Variants in ZNF536 observed in about 807,000 individuals in gnomAD.
ZNF536 encodes zinc finger protein 536.
Under a neutral mutation model 84.5 loss-of-function variants are expected in ZNF536, and 13 were observed. The ratio of observed to expected loss-of-function variants is 0.15; its 90% CI spans 0.10 to 0.24. The LOEUF is 0.24. Among genes scored for constraint, ZNF536 ranks in the 10% least tolerant of loss-of-function variants. The pLI is 1.00. For synonymous variants in ZNF536, 811 were observed against 742.5 expected (o/e 1.09, Z -1.50); for missense variants, 1,536 against 1,747.5 (o/e 0.88, Z 2.16).
chr19:30,663,647 T>C (rs1441732744), intron 1 of ZNF536, among the ~76,000 whole-genome samples: 1 of 152,200 alleles, frequency 6.6e-6, no homozygotes, highest in Non-Finnish European at 1.5e-5. Context: ...TCCTGAAATG[T>C]CAAAGAGTGC....
chr19:30,412,966 A>G (rs2050557451), intron 1 of ZNF536, among the ~76,000 whole-genome samples: 1 of 151,818 alleles, frequency 6.6e-6, no homozygotes, highest in African/African-American at 2.4e-5. Context: ...TAATTTTTTT[A>G]GACAATTCAT....
intron 1 of ZNF536, among the ~76,000 whole-genome samples, chr19:30,607,795 C>A (rs1355067626): frequency 1.3e-5 from 2 of 151,196 alleles, no homozygotes; most frequent in African/African-American, 4.9e-5. Flanking sequence ...TATGTATATG[C>A]ATTACTTTAT....
chr19:30,699,188 G>C (rs2051789484), intron 1 of ZNF536, among the ~76,000 whole-genome samples: 1 of 152,060 alleles, frequency 6.6e-6, no homozygotes, highest in Non-Finnish European at 1.5e-5. Context: ...CCCAGTCCTA[G>C]AATCAGCCAT....
At chr19:30,430,078 G>T (rs898778033) in intron 1 of ZNF536, among the ~76,000 whole-genome samples, 1 of 152,076 alleles carries the variant, frequency 6.6e-6, no homozygotes, top group African/African-American at 2.4e-5. Flanking sequence ...CTGTGTGGAA[G>T]AACTGTTCTC....
At chr19:30,464,816 G>T (rs1455025629) in intron 2 of ZNF536, among the ~76,000 whole-genome samples, 1 of 151,930 alleles carries the variant, frequency 6.6e-6, no homozygotes, top group Non-Finnish European at 1.5e-5. Flanking sequence ...CATCAGGGTG[G>T]GGCTCCTCCT....
chr19:30,670,470 G>C (rs965440467), intron 1 of ZNF536, among the ~76,000 whole-genome samples: 2 of 152,212 alleles, frequency 1.3e-5, no homozygotes, highest in Non-Finnish European at 2.9e-5. Context: ...GCTGTCTGTG[G>C]GATGCCCGGC....
intron 2 of ZNF536, among the ~76,000 whole-genome samples, chr19:30,476,479 G>A (rs556618972): frequency 6.6e-6 from 1 of 152,324 alleles, no homozygotes; most frequent in East Asian, 1.9e-4. Flanking sequence ...GACACACACT[G>A]CATATAATTC....
At chr19:30,289,089 G>A (rs2045744232) in intron 2 of ZNF536, among the ~76,000 whole-genome samples, 1 of 152,030 alleles carries the variant, frequency 6.6e-6, no homozygotes, top group African/African-American at 2.4e-5. Context: ...CACATCACTG[G>A]GGGCTTGGGA....
At chr19:30,439,965 T>TTC (rs2051954606) in intron 1 of ZNF536, among the ~76,000 whole-genome samples, 1 of 125,626 alleles carries the variant, frequency 8.0e-6, no homozygotes, top group African/African-American at 2.8e-5. Flanking sequence ...CTTTCTTTTT[T>TTC]TTTTTTTTTT....
At chr19:30,354,581 C>G (rs527856031) in intron 3 of ZNF536, among the ~76,000 whole-genome samples, 1 of 152,178 alleles carries the variant, frequency 6.6e-6, no homozygotes, top group Non-Finnish European at 1.5e-5. Context: ...TGTGGGCCTC[C>G]TAGAAGATAA....
downstream of ZNF536, among the ~76,000 whole-genome samples, chr19:30,562,920 G>A (rs930010053): frequency 6.6e-6 from 1 of 152,074 alleles, no homozygotes; most frequent in Non-Finnish European, 1.5e-5. Flanking sequence ...GTCTCTACAT[G>A]GGAAAGCTTT....
At chr19:30,356,416 G>C (rs1014778931) in intron 3 of ZNF536, among the ~76,000 whole-genome samples, 3 of 152,250 alleles carry the variant, frequency 2.0e-5, no homozygotes, top group Non-Finnish European at 4.4e-5. Context: ...TCCTGGTACA[G>C]ATGAGTGAGT....
chr19:30,252,666 T>A (rs2024684277), intron 1 of ZNF536, among the ~76,000 whole-genome samples: 1 of 152,202 alleles, frequency 6.6e-6, no homozygotes, highest in Admixed American at 6.5e-5. Context: ...AGTTACCCCC[T>A]AAAATGGGAA....
intron 3 of ZNF536, among the ~76,000 whole-genome samples, chr19:30,546,403 A>C (rs2045559802): frequency 6.6e-6 from 1 of 152,174 alleles, no homozygotes; most frequent in Non-Finnish European, 1.5e-5. Context: ...ACCTCTGAAA[A>C]AGTGTCCAGG....
chr19:30,455,035 AAAACAAACAAAC>A (rs56166320), intron 2 of ZNF536, among the ~76,000 whole-genome samples: 23 of 149,830 alleles, frequency 1.5e-4, no homozygotes, highest in South Asian at 2.1e-4. Context: ...CTCCATCTCA[AAAACAAACAAAC>A]AAACAAACAA....
At chr19:30,607,331 G>A (rs561244175) in intron 1 of ZNF536, among the ~76,000 whole-genome samples, 1 of 151,920 alleles carries the variant, frequency 6.6e-6, no homozygotes, top group East Asian at 1.9e-4. Flanking sequence ...TTTTGTGATG[G>A]GGATATTTTT....
intron 1 of ZNF536, among the ~76,000 whole-genome samples, chr19:30,623,974 T>C (rs1380593840): frequency 6.6e-6 from 1 of 152,130 alleles, no homozygotes; most frequent in Admixed American, 6.5e-5. Flanking sequence ...GTGTCCTTTA[T>C]TGGAAATGGG....
chr19:30,317,837 A>T (rs963567145), intron 2 of ZNF536, among the ~76,000 whole-genome samples: 2 of 152,252 alleles, frequency 1.3e-5, no homozygotes, highest in African/African-American at 4.8e-5. Context: ...TTCACCACTT[A>T]GGCAGCAATT....
intron 2 of ZNF536, among the ~76,000 whole-genome samples, chr19:30,532,857 T>C (rs1195079771): frequency 1.3e-5 from 2 of 152,204 alleles, no homozygotes; most frequent in Non-Finnish European, 2.9e-5. Context: ...AGAGCATTTG[T>C]CTGATGGTGA....
Sources: gnomAD v4.1 joint callset for allele counts (sites outside exome capture counted in the v4.1 genomes callset) on GRCh38, gnomAD v4.1.1 for gene constraint, MANE v1.5 for transcripts, NCBI Gene and HGNC (gene_info 2026-07-23, HGNC 2026-07-21) for gene names.